Variants in CD96 observed in about 807,000 individuals in gnomAD.
CD96 encodes CD96 molecule.
Under a neutral mutation model 71.3 loss-of-function variants are expected in CD96, and 70 were observed. The ratio of observed to expected loss-of-function variants is 0.98; its 90% CI spans 0.81 to 1.20. CD96 has a LOEUF of 1.20. Among genes scored for constraint, CD96 ranks in the 50% most tolerant of loss-of-function variants. CD96 has a pLI of 0.00. For missense variants in CD96, 742 were observed against 677.5 expected, an observed-to-expected ratio of 1.10 and a Z score of -1.06; for synonymous variants, 248 against 233.0, an observed-to-expected ratio of 1.06 and a Z score of -0.59.
At position 111,576,886 on chromosome 3, in the gene CD96, G is replaced by A. The variant is rs113401972; in HGVS notation, c.544-2141G>A. Among the ~76,000 whole-genome samples, 3 of 152,210 alleles carry A rather than the reference G, an allele frequency of 2.0e-5. 1 individual carries two copies. The highest frequency in any genetic ancestry group is 6.5e-5 in the Admixed American group (1 of 15,286). ...CTCTCCTCCCATTTGCTCTGTGAAG[G>A]CAGCCACTCATATGTAAGTTCTTGC... On this transcript the variant is annotated intron_variant, in intron 3 of 13. Coordinates refer to ENST00000352690, the MANE Select transcript of CD96 (RefSeq NM_005816.5).
intron 8 of CD96, among the ~76,000 whole-genome samples, chr3:111,616,558 T>C (rs541618768): frequency 6.6e-6 from 1 of 152,278 alleles, no homozygotes; most frequent in East Asian, 1.9e-4. Flanking sequence ...ATGATGATGA[T>C]GCATGCTGCA....
Position 111,650,178 on chromosome 3 carries a change from C to T in CD96, c.*372C>T, listed in dbSNP as rs1323812372. ...ATGCCTGATCCTCTTATTTGAACAT[C>T]TATCAACATTGTAAACTCTTTGCCA... On this transcript the variant is annotated 3_prime_UTR_variant, in exon 14 of 14. Transcript: ENST00000352690. 1.2e-5 allele frequency: 3 copies of T among 251,398 alleles called. No individual in the cohort carries two copies. Among genetic ancestry groups the T allele is most frequent in the Non-Finnish European group, 2.4e-5 (3 of 124,658 alleles). The allele number at this position is 251,398 out of a possible 1,614,324, so 15.6% of individuals were successfully genotyped here.
At chr3:111,564,480 AT>A (rs997037651) in intron 2 of CD96, among the ~76,000 whole-genome samples, 1 of 151,844 alleles carries the variant, frequency 6.6e-6, no homozygotes, top group Non-Finnish European at 1.5e-5. Flanking sequence ...AAAATTTATT[AT>A]TTCTAACCCT....
At chr3:111,570,076 G>A (rs1391637662) in intron 3 of CD96, among the ~76,000 whole-genome samples, 12 of 152,138 alleles carry the variant, frequency 7.9e-5, no homozygotes, top group African/African-American at 2.7e-4. Flanking sequence ...TCAGGGAAGG[G>A]TCTGCACCCT....
intron 2 of CD96, among the ~76,000 whole-genome samples, chr3:111,552,250 G>T (rs1205348604): frequency 6.6e-6 from 1 of 151,938 alleles, no homozygotes; most frequent in Non-Finnish European, 1.5e-5. Flanking sequence ...GAAAAGATTT[G>T]TGGCAATATA....
intron 8 of CD96, 43 bp downstream of exon 8, chr3:111,606,835 A>C: frequency 9.0e-7 from 1 of 1,107,934 alleles, no homozygotes; most frequent in Non-Finnish European, 1.4e-6. Flanking sequence ...AACCAAGCAG[A>C]TTGATAACGA....
chr3:111,663,230 TATC>T (rs1225456927), intron 14 of CD96, among the ~76,000 whole-genome samples: 1 of 152,114 alleles, frequency 6.6e-6, no homozygotes, highest in Non-Finnish European at 1.5e-5. Context: ...ACTCACTCAC[TATC>T]ACAAGAGCAG....
chr3:111,664,526 G>A (rs112680932), intron 14 of CD96, among the ~76,000 whole-genome samples: 1 of 152,306 alleles, frequency 6.6e-6, no homozygotes, highest in Non-Finnish European at 1.5e-5. Context: ...AGGGAAGGAG[G>A]AAGGCATGGG....
chr3:111,598,489 G>A (rs1196702868), intron 6 of CD96, among the ~76,000 whole-genome samples: 1 of 152,176 alleles, frequency 6.6e-6, no homozygotes, highest in Non-Finnish European at 1.5e-5. Context: ...TATCTTAAAT[G>A]AGGACAAAAA....
chr3:111,607,832 T>C (rs1410839402), intron 8 of CD96, among the ~76,000 whole-genome samples: 1 of 152,232 alleles, frequency 6.6e-6, no homozygotes, highest in Non-Finnish European at 1.5e-5. Context: ...ATTTTTCTTT[T>C]CTTCTTTTTT....
At chr3:111,554,482 T>A (rs1934884573) in intron 2 of CD96, among the ~76,000 whole-genome samples, 1 of 152,170 alleles carries the variant, frequency 6.6e-6, no homozygotes. Context: ...TTTGTTTGTC[T>A]GTTCCTATGT....
At chr3:111,581,371 C>A (rs1486309218) in intron 4 of CD96, among the ~76,000 whole-genome samples, 1 of 152,164 alleles carries the variant, frequency 6.6e-6, no homozygotes, top group Non-Finnish European at 1.5e-5. Flanking sequence ...ACTTTACATC[C>A]CTTGGTGATT....
At chr3:111,653,300 T>C (rs1940151340), downstream of CD96, among the ~76,000 whole-genome samples, 1 of 152,150 alleles carries the variant, frequency 6.6e-6, no homozygotes, top group Non-Finnish European at 1.5e-5. Flanking sequence ...GGCACATAAG[T>C]TAGATATTAT....
chr3:111,654,214 A>T (rs1559782960), downstream of CD96, among the ~76,000 whole-genome samples: 1 of 152,182 alleles, frequency 6.6e-6, no homozygotes, highest in Non-Finnish European at 1.5e-5. Context: ...CAGCTAAAGG[A>T]TGGGTGTCCA....
Position 111,567,664 on chromosome 3 carries a change from T to C in CD96, c.543+17T>C, listed in dbSNP as rs1464583132. ...TGGTCGGTGGTAAGTGTTGCCCTTT[T>C]CAGTGAATAACCTCAATGGTCTTTA... is the stretch of plus-strand genomic sequence containing the variant. On this transcript the variant is annotated intron_variant, in intron 3 of 13. Coordinates refer to ENST00000352690, the MANE Select transcript of CD96 (RefSeq NM_005816.5). 8 of 1,607,680 alleles carry C rather than the reference T, an allele frequency of 5.0e-6. No individual in the cohort carries two copies. The highest frequency in any genetic ancestry group is 2.7e-5 in the African/African-American group (2 of 74,754).
intron 2 of CD96, 103 bp downstream of exon 2, chr3:111,545,505 AAG>A (rs1048702719): frequency 1.3e-6 from 1 of 789,714 alleles, no homozygotes; most frequent in Non-Finnish European, 2.2e-6. Flanking sequence ...TCAGCATACA[AAG>A]GTTGAGCAGA....
At chr3:111,665,084 T>C in intron 14 of CD96, among the ~76,000 whole-genome samples, 1 of 152,154 alleles carries the variant, frequency 6.6e-6, no homozygotes, top group East Asian at 1.9e-4. Context: ...TAGATATACA[T>C]GTATATGCAT....
chr3:111,626,449 A>G (rs996693849), intron 10 of CD96, among the ~76,000 whole-genome samples: 15 of 152,138 alleles, frequency 9.9e-5, no homozygotes, highest in African/African-American at 3.6e-4. Flanking sequence ...ATTGAATAGG[A>G]TTTATCCAGC....
chr3:111,624,470 A>G, intron 10 of CD96, 66 bp downstream of exon 10: 1 of 878,014 alleles, frequency 1.1e-6, no homozygotes, highest in Non-Finnish European at 2.0e-6. Context: ...AGATATATTG[A>G]ACGACATCTA....
Sources: allele counts gnomAD v4.1 joint callset (sites outside exome capture counted in the v4.1 genomes callset), GRCh38; gene constraint gnomAD v4.1.1; transcripts MANE v1.5; gene names NCBI Gene and HGNC (gene_info 2026-07-23, HGNC 2026-07-21).